The following PKP1 variants were observed in gnomAD, a reference collection of about 807,000 sequenced individuals.
PKP1 encodes the protein plakophilin 1, also known as plakophilin-1.
A neutral mutation model predicts 76.4 loss-of-function variants in PKP1; 27 were observed. That is an observed-to-expected ratio of 0.35 (90% CI 0.26 to 0.49). The LOEUF (loss-of-function observed/expected upper bound fraction) is 0.49. PKP1 is among the 20% of genes least tolerant of loss of function. The probability of loss-of-function intolerance (pLI) is 0.99; values close to 1 mark genes in which losing one functional copy is unlikely to be tolerated. For synonymous variants in PKP1, 404 were observed against 384.2 expected (o/e 1.05, Z -0.60); for missense variants, 964 against 955.2 (o/e 1.01, Z -0.12).
chr1:201,287,204 A>G (rs1267688643), intron 1 of PKP1, among the ~76,000 whole-genome samples: 1 of 152,268 alleles, frequency 6.6e-6, no homozygotes, highest in Non-Finnish European at 1.5e-5. Flanking sequence ...TTTCTCTCTG[A>G]TCAGAGGTAG....
At chr1:201,299,085 A>G (rs1396049863) in intron 2 of PKP1, among the ~76,000 whole-genome samples, 1 of 152,180 alleles carries the variant, frequency 6.6e-6, no homozygotes, top group African/African-American at 2.4e-5. Context: ...CCGGGGAGAA[A>G]CACGGTAGGA....
Position 201,317,646 on chromosome 1 carries a change from GGCAGGGGCCCTGC to G in PKP1, c.925_937del (p.Gly309ThrfsTer26). 1 of 1,614,006 alleles carries G rather than the reference GGCAGGGGCCCTGC, an allele frequency of 6.2e-7. No individual in the cohort carries two copies. The highest frequency in any genetic ancestry group is 8.5e-7 in the Non-Finnish European group (1 of 1,180,008). ...CCAACCAGAACGTCCAGCAGGCCGC[GGCAGGGGCCCTGC>G]GCAACCTGGTGTTCAGGAGCACCAC... On this transcript the variant is annotated frameshift_variant, in exon 5 of 14. Transcript: ENST00000367324. LOFTEE classifies it high-confidence loss of function.
rs925402795 is a variant in PKP1, at chr1:201,330,489, T to G, written c.*448T>G. 6.6e-6 allele frequency: 1 copy of G among 152,214 alleles called. No individual in the cohort carries two copies. Among genetic ancestry groups the G allele is most frequent in the East Asian group, 1.9e-4 (1 of 5,192 alleles). The allele number at this position is 152,214 out of a possible 1,614,324, so 9.4% of individuals were successfully genotyped here. ...AGGACTCTCCTGTGTTTCTTACTCATAGGCAAGGACAACATGTGCTTTTTG... is the reference window on the plus strand; with the variant it reads ...AGGACTCTCCTGTGTTTCTTACTCAGAGGCAAGGACAACATGTGCTTTTTG... On this transcript the variant is annotated 3_prime_UTR_variant, in exon 14 of 14. Transcript: ENST00000367324.
intron 1 of PKP1, among the ~76,000 whole-genome samples, chr1:201,285,423 C>T (rs1655702595): frequency 6.6e-6 from 1 of 152,278 alleles, no homozygotes; most frequent in Non-Finnish European, 1.5e-5. Context: ...TGCTCTTTGC[C>T]TTTGTGTGGG....
At chr1:201,289,001 G>GTGCCCGGTGAGGCTGTGCTGAACTCCT (rs1427254416) in intron 1 of PKP1, among the ~76,000 whole-genome samples, 4 of 152,226 alleles carry the variant, frequency 2.6e-5, no homozygotes, top group Non-Finnish European at 5.9e-5. Flanking sequence ...CCACACCAAA[G>GTGCCCGGTGAGGCTGTGCTGAACTCCT]TGCCCGGTGA....
intron 13 of PKP1, among the ~76,000 whole-genome samples, chr1:201,329,528 A>G (rs1421865915): frequency 2.6e-5 from 4 of 152,216 alleles, no homozygotes; most frequent in Non-Finnish European, 4.4e-5. Flanking sequence ...TGAGAATCAC[A>G]AATAGAGATA....
rs373036141 is a variant in PKP1 at position 201,298,928 on chromosome 1, A to G, written c.306+4883A>G. Among the ~76,000 whole-genome samples the G allele has an allele frequency of 7.2e-5, 11 of 152,326 alleles. No homozygotes were observed. In the East Asian group the frequency reaches 1.7e-3, roughly 24 times the overall value. On this transcript the variant is annotated intron_variant, in intron 2 of 13. Coordinates refer to ENST00000367324, the MANE Select transcript of PKP1 (RefSeq NM_001005337.3). ...GTGGATGAAGCCTCTGTTACAGATG[A>G]GAGGACTGGGGTTGCATCACACTCC...
chr1:201,298,604 A>G (rs2102159121), intron 2 of PKP1, among the ~76,000 whole-genome samples: 1 of 152,298 alleles, frequency 6.6e-6, no homozygotes, highest in East Asian at 1.9e-4. Context: ...GACCATGGTG[A>G]CTGCCACATT....
intron 4 of PKP1, 136 bp downstream of exon 4, chr1:201,316,833 CA>C: frequency 1.1e-6 from 1 of 914,400 alleles, no homozygotes; most frequent in South Asian, 1.5e-5. Flanking sequence ...GGAGCCTTCG[CA>C]TTGCCCAAGG....
At position 201,322,071 on chromosome 1, in the gene PKP1, C is replaced by A. The variant is rs370789305; in HGVS notation, c.1441C>A (p.Arg481Ser). Residue 481 changes from arginine to serine, a missense_variant, in exon 8 of 14, where the codon CGC (arginine) becomes AGC (serine). By Grantham distance (110) the Arg-to-Ser change is moderately radical (BLOSUM62 -1). Coordinates refer to ENST00000367324, the MANE Select transcript of PKP1 (RefSeq NM_001005337.3). ...CTACCGCCAGCTGGAGTATAACGCCCGCAACGCCTACACCGAGAAGTCCTC... is the reference window on the plus strand; with the variant it reads ...CTACCGCCAGCTGGAGTATAACGCCAGCAACGCCTACACCGAGAAGTCCTC... ...TRYRQLEYNA[R>S]NAYTEKSSTG... 2.4e-5 allele frequency: 39 copies of A among 1,613,378 alleles called. No homozygotes were observed. Among genetic ancestry groups the A allele is most frequent in the Non-Finnish European group, 3.1e-5 (37 of 1,179,990 alleles).
At chr1:201,326,316 G>C (rs903364657) in intron 12 of PKP1, among the ~76,000 whole-genome samples, 5 of 152,234 alleles carry the variant, frequency 3.3e-5, no homozygotes, top group African/African-American at 1.2e-4. Flanking sequence ...AGCTCACCCT[G>C]TGAGCAAGGC....
intron 6 of PKP1, chr1:201,319,850 G>A (rs757904043): frequency 1.2e-6 from 2 of 1,613,998 alleles, no homozygotes; most frequent in South Asian, 1.1e-5. Flanking sequence ...TCTGGCTCTT[G>A]TTCCGCAAAG....
chr1:201,322,943 A>G, intron 8 of PKP1, 70 bp from the exon 9 acceptor site: 2 of 1,505,508 alleles, frequency 1.3e-6, no homozygotes, highest in African/African-American at 2.7e-5. Flanking sequence ...GGGGATGGGG[A>G]CAGAATGCCT....
At chr1:201,318,175 G>C (rs201087817) in intron 5 of PKP1, among the ~76,000 whole-genome samples, 1 of 152,150 alleles carries the variant, frequency 6.6e-6, no homozygotes, top group African/African-American at 2.4e-5. Flanking sequence ...CACTCAAGGT[G>C]GGGGGCACAA....
intron 6 of PKP1, among the ~76,000 whole-genome samples, chr1:201,319,355 G>C (rs1794869): frequency 6.6e-6 from 1 of 152,200 alleles, no homozygotes; most frequent in Admixed American, 6.5e-5. Context: ...TGGGTGTGGA[G>C]GGGCGGCTGG....
chr1:201,312,718 A>G (rs114528620), intron 2 of PKP1, among the ~76,000 whole-genome samples: 3,523 of 152,212 alleles, frequency 0.023, 138 homozygotes, highest in African/African-American at 0.08. Flanking sequence ...TGAGACTAGC[A>G]TGGGGCTCTG....
rs143868721 is a variant in PKP1 at position 201,299,060 on chromosome 1, A to G, written c.306+5015A>G. 5.0e-3 allele frequency among the ~76,000 whole-genome samples: 762 copies of G among 152,286 alleles called. 7 individuals are homozygous for G. Among genetic ancestry groups the G allele is most frequent in the African/African-American group, 0.017 (708 of 41,562 alleles). On this transcript the variant is annotated intron_variant, in intron 2 of 13. Transcript: ENST00000367324. ...ACAAGGGCAGAGCCATGGGCCAGGTACTGCAGAGGGGCTGCCGGGGAGAAA... is the reference window on the plus strand; with the variant it reads ...ACAAGGGCAGAGCCATGGGCCAGGTGCTGCAGAGGGGCTGCCGGGGAGAAA...
rs1223520558 is a variant in PKP1 at position 201,322,703 on chromosome 1, A to G, written c.1504-310A>G. ...ATGGGAGAGTCCAAAGCAGCCCCAC[A>G]TATCTGGAAGGTTTGGGCCAAGGCT... On this transcript the variant is annotated intron_variant, in intron 8 of 13. Coordinates refer to ENST00000367324, the MANE Select transcript of PKP1 (RefSeq NM_001005337.3). Among the ~76,000 whole-genome samples, 10 of 152,244 alleles carry G rather than the reference A, an allele frequency of 6.6e-5. No homozygotes were observed. In the South Asian group the frequency reaches 1.9e-3, roughly 28 times the overall value.
At position 201,330,119 on chromosome 1, in the gene PKP1, G is replaced by A. The variant is rs1417888394; in HGVS notation, c.*78G>A. ...AAGCCCTCAGGCCTCGCTGGATGGG[G>A]TTTTCTGTCCATCCTATGCAGTATT... On this transcript the variant is annotated 3_prime_UTR_variant, in exon 14 of 14. Transcript: ENST00000367324. 6.6e-6 allele frequency: 1 copy of A among 152,150 alleles called. No homozygotes were observed. Among genetic ancestry groups the A allele is most frequent in the Non-Finnish European group, 1.5e-5 (1 of 68,046 alleles). The allele number at this position is 152,150 out of a possible 1,614,324, so 9.4% of individuals were successfully genotyped here. A position where few individuals can be genotyped will look rare whatever the true frequency, so the allele number is the denominator to read the frequency against.
Sources: allele counts gnomAD v4.1 joint callset (sites outside exome capture counted in the v4.1 genomes callset), GRCh38; gene constraint gnomAD v4.1.1; transcripts MANE v1.5; gene names NCBI Gene and HGNC (gene_info 2026-07-23, HGNC 2026-07-21).